Variants in PLEKHG2 observed in about 807,000 individuals in gnomAD.
PLEKHG2 encodes pleckstrin homology and RhoGEF domain containing G2, also known as pleckstrin homology domain-containing family G member 2.
A neutral mutation model predicts 104.4 loss-of-function variants in PLEKHG2; 71 were observed. The observed-to-expected ratio is 0.68, with a 90% CI of 0.56 to 0.83. The LOEUF is 0.83. Ranked by LOEUF, PLEKHG2 falls within the 40% of genes least tolerant of loss-of-function variation. The probability of loss-of-function intolerance (pLI) is 0.00; values close to 1 mark genes in which losing one functional copy is unlikely to be tolerated. For synonymous variants in PLEKHG2, 728 were observed against 737.0 expected (o/e 0.99, Z 0.20); for missense variants, 1,730 against 1,809.4 (o/e 0.96, Z 0.80).
chr19:39,418,818 C>G lies in PLEKHG2; in HGVS notation c.1168C>G (p.Leu390Val), dbSNP rs752236105. 28 of 1,609,160 alleles carry G rather than the reference C, an allele frequency of 1.7e-5. No homozygotes were observed. The South Asian group carries it at 3.1e-4, about 18-fold the overall frequency. Residue 390 changes from leucine to valine, a missense_variant, in exon 10 of 19, where the codon CTG (leucine) becomes GTG (valine). Leu to Val is a conservative substitution (Grantham distance 32). Coordinates refer to ENST00000425673, the MANE Select transcript of PLEKHG2 (RefSeq NM_022835.3). ...TCTGACCATTCCCAAGCACAGACAC[C>G]TGCTCCAGGTGAGCATGTAGTGGGA... ...SDLTIPKHRH[L>V]LQAKNQEEKR...
Position 39,416,661 on chromosome 19 carries a change from G to GTCA in PLEKHG2, c.593+65_593+67dup, listed in dbSNP as rs1344538460. 1.9e-6 allele frequency: 3 copies of GTCA among 1,592,274 alleles called. No homozygotes were observed. The highest frequency in any genetic ancestry group is 2.7e-5 in the African/African-American group (2 of 74,448). ...CCACAAGCTGATGTGCCAGTCACCC[G>GTCA]TCACCCTCCCTCTACCCCCGACCCA... On this transcript the variant is annotated intron_variant, in intron 6 of 18. Coordinates refer to ENST00000425673, the MANE Select transcript of PLEKHG2 (RefSeq NM_022835.3). This position sits in a 1 kb window ranked among gnomAD's most constrained non-coding sequence, Gnocchi z 4.5.
chr19:39,417,839 T>G, intron 8 of PLEKHG2, 66 bp from the exon 9 acceptor site: 1 of 1,501,794 alleles, frequency 6.7e-7, no homozygotes, highest in Non-Finnish European at 8.9e-7. Flanking sequence ...TGTTTTGGTG[T>G]GTATGTGTGT....
chr19:39,418,715 C>G lies in PLEKHG2; in HGVS notation c.1084-19C>G, dbSNP rs1250604706. Reference sequence around the variant, plus strand: ...GAGCCCAAGGACTCTGAGCTTGCTACCCCTCTCTTTCCTTCCAGTGCTGCA... The same window carrying G: ...GAGCCCAAGGACTCTGAGCTTGCTAGCCCTCTCTTTCCTTCCAGTGCTGCA... On this transcript the variant is annotated intron_variant, in intron 9 of 18. Transcript: ENST00000425673. 6.2e-7 allele frequency: 1 copy of G among 1,601,706 alleles called. No individual in the cohort carries two copies. The highest frequency in any genetic ancestry group is 8.5e-7 in the Non-Finnish European group (1 of 1,170,390).
rs750275369 is a variant in PLEKHG2 at position 39,423,719 on chromosome 19, CTT to C, written c.2600-11_2600-10del. The C allele has an allele frequency of 1.1e-5, 18 of 1,602,028 alleles. No homozygotes were observed. The African/African-American group carries it at 1.6e-4, about 14-fold the overall frequency. On this transcript the variant is annotated splice_polypyrimidine_tract_variant and intron_variant, in intron 18 of 18. Coordinates refer to ENST00000425673, the MANE Select transcript of PLEKHG2 (RefSeq NM_022835.3). ...GGAGTAGTGGTCCTGACTCGATCCT[CTT>C]TTCGCATTCAGGGCTCCTGCCTGCC...
rs2078711465 is a variant in PLEKHG2, at chr19:39,422,304, C to T, written c.1677+16C>T. ...AGATCCAGGGGTGAGCTGGCTGTCC[C>T]ATCATGGTGTCCTTGGGCCTCTGGG... On this transcript the variant is annotated intron_variant, in intron 17 of 18. Coordinates refer to ENST00000425673, the MANE Select transcript of PLEKHG2 (RefSeq NM_022835.3). 6.2e-7 allele frequency: 1 copy of T among 1,605,858 alleles called. No homozygotes were observed. Among genetic ancestry groups the T allele is most frequent in the Non-Finnish European group, 8.5e-7 (1 of 1,176,108 alleles).
intron 2 of PLEKHG2, 155 bp downstream of exon 2, chr19:39,414,350 A>AGG (rs1444535502): frequency 1.4e-6 from 1 of 738,058 alleles, no homozygotes; most frequent in Non-Finnish European, 2.2e-6. Flanking sequence ...GACAGGCCAG[A>AGG]GGGGGCAGCG....
Position 39,416,800 on chromosome 19 carries a change from C to A in PLEKHG2, c.594-50C>A. ...CTGGCCCCTCCCTAACCCCTCTTGA[C>A]CCCGCCCACTGGAACTGACAATCCC... is the stretch of plus-strand genomic sequence containing the variant. On this transcript the variant is annotated intron_variant, in intron 6 of 18. Coordinates refer to ENST00000425673, the MANE Select transcript of PLEKHG2 (RefSeq NM_022835.3). This position sits in a 1 kb window ranked among gnomAD's most constrained non-coding sequence, Gnocchi z 4.5. 1.3e-6 allele frequency: 2 copies of A among 1,549,758 alleles called. No homozygotes were observed. The highest frequency in any genetic ancestry group is 1.7e-6 in the Non-Finnish European group (2 of 1,148,708).
chr19:39,418,424 C>T (rs1395354292), intron 9 of PLEKHG2, among the ~76,000 whole-genome samples: 1 of 151,926 alleles, frequency 6.6e-6, no homozygotes, highest in Non-Finnish European at 1.5e-5. Flanking sequence ...ACTAAAAATA[C>T]AAAAATTAGC....
In PLEKHG2 at chr19:39,415,097, G is replaced by T. The variant is rs554874064; in HGVS notation, c.215G>T (p.Cys72Phe). The part of the protein sequence containing the change: ...GDPAPGPTPA[C>F]SASRPEPLPG... ...CCAGCCCCTGGGCCCACTCCAGCCT[G>T]CTCAGCCTCCAGGCCAGAGCCCCTT... The change falls in exon 3 of 19, where the codon TGC becomes TTC. Residue 72 changes from cysteine (C) to phenylalanine (F), a missense_variant. By Grantham distance (205) the Cys-to-Phe change is radical. Transcript: ENST00000425673. This position sits in a 1 kb window ranked among gnomAD's most constrained non-coding sequence, Gnocchi z 4.6. 1.3e-4 allele frequency: 209 copies of T among 1,593,944 alleles called. 1 individual carries two copies. The Admixed American group carries it at 3.3e-3, about 25-fold the overall frequency.
chr19:39,417,148 CCTAG>C (rs2078619213), intron 7 of PLEKHG2, 148 bp downstream of exon 7: 1 of 931,536 alleles, frequency 1.1e-6, no homozygotes, highest in East Asian at 2.8e-5. Context: ...CGCGCACAGC[CCTAG>C]CTTTTTTTTT....
In PLEKHG2 at chr19:39,423,620, T is replaced by A. The variant is rs2078735775; in HGVS notation, c.2566T>A (p.Ser856Thr). The change falls in exon 18 of 19, where the codon TCC becomes ACC. Residue 856 changes from serine (S) to threonine (T), a missense_variant. By Grantham distance (58) the Ser-to-Thr change is moderately conservative. Transcript: ENST00000425673. ...TCGGGTTCTGGCCCAACCCCAGCCA[T>A]CCCCCTGTCTGCCCCAGGAGCAGGC... ...RPRVLAQPQP[S>T]PCLPQEQAEP... 1.3e-6 allele frequency: 2 copies of A among 1,534,252 alleles called. No homozygotes were observed. The highest frequency in any genetic ancestry group is 1.8e-6 in the Non-Finnish European group (2 of 1,142,268).
In PLEKHG2 at chr19:39,424,529, C is replaced by T. The variant is rs2146021449; in HGVS notation, c.3396C>T (p.Ser1132=). The T allele has an allele frequency of 3.1e-6, 5 of 1,614,042 alleles. No individual in the cohort carries two copies. Among genetic ancestry groups the T allele is most frequent in the African/African-American group, 1.3e-5 (1 of 74,970 alleles). ...RIPANAPLSL[S]QELPDTQVPA... ...CAGCCAACGCCCCACTGTCTTTGTC[C>T]CAGGAGCTCCCAGACACTCAGGTTC... Residue 1132 remains serine, a synonymous_variant, in exon 19 of 19, where the codon TCC becomes TCT. Coordinates refer to ENST00000425673, the MANE Select transcript of PLEKHG2 (RefSeq NM_022835.3).
chr19:39,416,352 C>CT lies in PLEKHG2; in HGVS notation c.485dup (p.Leu163ProfsTer25), dbSNP rs764816391. On this transcript the variant is annotated frameshift_variant, in exon 5 of 19. Transcript: ENST00000425673. LOFTEE classifies it high-confidence loss of function. This position sits in a 1 kb window ranked among gnomAD's most constrained non-coding sequence, Gnocchi z 4.5. ...ACCCTCCCCTCTCCCCTGTAGCGAG[C>CT]TCCTGGAGGACTTGGAGAACAGCAG... The CT allele has an allele frequency of 1.2e-6, 2 of 1,612,786 alleles. No individual in the cohort carries two copies. Among genetic ancestry groups the CT allele is most frequent in the African/African-American group, 1.3e-5 (1 of 74,806 alleles).
At position 39,416,865 on chromosome 19, in the gene PLEKHG2, C is replaced by T; in HGVS notation, c.609C>T (p.Leu203=). 1 of 1,608,398 alleles carries T rather than the reference C, an allele frequency of 6.2e-7. No homozygotes were observed. Among genetic ancestry groups the T allele is most frequent in the Non-Finnish European group, 8.5e-7 (1 of 1,177,698 alleles). ...GTGCCCCCAGCTCCCTGGCCCTGCT[C>T]CGGGAGCTGTCGTTGTCTCCGCCAG... The part of the protein sequence containing the change: ...CMNYPSSLAL[L]RELSLSPPAA... Residue 203 remains leucine, a synonymous_variant, in exon 7 of 19, where the codon CTC becomes CTT. Coordinates refer to ENST00000425673, the MANE Select transcript of PLEKHG2 (RefSeq NM_022835.3). This position sits in a 1 kb window ranked among gnomAD's most constrained non-coding sequence, Gnocchi z 4.5.
In PLEKHG2 at chr19:39,416,182, G is replaced by A. The variant is rs996770442; in HGVS notation, c.480-166G>A. ...GTCTAAGCAGGTTACCATGCCCCGT[G>A]TAGCCCTCAGAGGACCCTTCCTCCG... On this transcript the variant is annotated intron_variant, in intron 4 of 18. Transcript: ENST00000425673. This position sits in a 1 kb window ranked among gnomAD's most constrained non-coding sequence, Gnocchi z 4.5. 6.6e-6 allele frequency among the ~76,000 whole-genome samples: 1 copy of A among 152,116 alleles called. No homozygotes were observed. Among genetic ancestry groups the A allele is most frequent in the African/African-American group, 2.4e-5 (1 of 41,408 alleles).
Position 39,424,615 on chromosome 19 carries a change from C to T in PLEKHG2, c.3482C>T (p.Pro1161Leu). Residue 1161 changes from proline to leucine, a missense_variant, in exon 19 of 19, where the codon CCA becomes CTA. By Grantham distance (98) the Pro-to-Leu change is moderately conservative (BLOSUM62 -3). Transcript: ENST00000425673. ...ACAGACATCTGGGTCCAAGCCCTCC[C>T]AACTTCACCCAAGCAGGGAAGCCTC... ...VLTDIWVQAL[P>L]TSPKQGSLPD... 6.2e-7 allele frequency: 1 copy of T among 1,614,172 alleles called. No homozygotes were observed. Among genetic ancestry groups the T allele is most frequent in the East Asian group, 2.2e-5 (1 of 44,882 alleles).
At position 39,424,886 on chromosome 19, in the gene PLEKHG2, G is replaced by T. The variant is rs1048458559; in HGVS notation, c.3753G>T (p.Leu1251Phe). The T allele has an allele frequency of 6.2e-7, 1 of 1,614,186 alleles. No homozygotes were observed. Among genetic ancestry groups the T allele is most frequent in the Non-Finnish European group, 8.5e-7 (1 of 1,180,036 alleles). ...GGSLASHVARLESSDLTPPHS... is the reference protein window; with the variant it reads ...GGSLASHVARFESSDLTPPHS... ...CCTTAGCCTCTCACGTTGCCAGGTT[G>T]GAGTCTTCAGACTTGACGCCACCTC... Residue 1251 changes from leucine to phenylalanine, a missense_variant, in exon 19 of 19, where the codon TTG becomes TTT. Coordinates refer to ENST00000425673, the MANE Select transcript of PLEKHG2 (RefSeq NM_022835.3).
In PLEKHG2 at chr19:39,416,533, C is replaced by T. The variant is rs1389691165; in HGVS notation, c.547-18C>T. 1.9e-6 allele frequency: 3 copies of T among 1,613,828 alleles called. No individual in the cohort carries two copies. Among genetic ancestry groups the T allele is most frequent in the East Asian group, 2.2e-5 (1 of 44,864 alleles). ...AAGCCAGGACCTGGGGTCTCCCTGA[C>T]TCCCATGTCACCCGCAGAGCGAGGA... is the stretch of plus-strand genomic sequence containing the variant. On this transcript the variant is annotated intron_variant, in intron 5 of 18. Transcript: ENST00000425673. The surrounding 1 kb of genome is among the most constrained non-coding windows in gnomAD (Gnocchi z 4.5).
intron 17 of PLEKHG2, 152 bp downstream of exon 17, chr19:39,422,440 C>A: frequency 1.1e-6 from 1 of 940,646 alleles, no homozygotes; most frequent in Non-Finnish European, 1.5e-6. Context: ...TGCAGTGGCG[C>A]CATCTCGGCT....
Sources: allele counts gnomAD v4.1 joint callset (sites outside exome capture counted in the v4.1 genomes callset), GRCh38; gene constraint gnomAD v4.1.1; non-coding constraint Gnocchi (gnomAD v3.1); transcripts MANE v1.5; gene names NCBI Gene and HGNC (gene_info 2026-07-23, HGNC 2026-07-21).